CYP4F8: variants seen among roughly 807,000 people sequenced by gnomAD.
The protein encoded by CYP4F8 is cytochrome P450 family 4 subfamily F member 8.
A neutral mutation model predicts 55.0 loss-of-function variants in CYP4F8; 56 were observed. The observed-to-expected ratio is 1.02, with a 90% CI of 0.82 to 1.27. The LOEUF is 1.27. Ranked by LOEUF, CYP4F8 falls within the 50% of genes most tolerant of loss-of-function variation. The pLI is 0.00. For synonymous variants in CYP4F8, 288 were observed against 267.3 expected, an observed-to-expected ratio of 1.08 and a Z score of -0.76; for missense variants, 680 against 682.4, an observed-to-expected ratio of 1.00 and a Z score of 0.04.
At chr19:15,621,998 G>A (rs954949710) in intron 5 of CYP4F8, 18 of 523,032 alleles carry the variant, frequency 3.4e-5, no homozygotes, top group African/African-American at 3.2e-4. Context: ...GGTACACACA[G>A]CTTAGGAATC....
Position 15,622,219 on chromosome 19 carries a change from G to A in CYP4F8, c.526G>A (p.Ala176Thr), listed in dbSNP as rs1972202730. The change falls in exon 6 of 13, where the codon GCC (alanine) becomes ACC (threonine). Residue 176 changes from alanine to threonine, a missense_variant and splice_region_variant. Ala to Thr is a moderately conservative substitution (Grantham distance 58). Coordinates refer to ENST00000612078, the MANE Select transcript of CYP4F8 (RefSeq NM_007253.4). ...IFSKSANIMHAKWQRLAMEGS... is the reference protein window; with the variant it reads ...IFSKSANIMHTKWQRLAMEGS... ...CAGCCCTGCTCCCTTCTCTGGCCAG[G>A]CCAAGTGGCAACGCCTGGCCATGGA... The A allele has an allele frequency of 6.2e-7, 1 of 1,613,050 alleles. No homozygotes were observed. Among genetic ancestry groups the A allele is most frequent in the African/African-American group, 1.3e-5 (1 of 74,890 alleles).
rs1482386649 is a variant in CYP4F8, at chr19:15,615,711, C to A, written c.95C>A (p.Ala32Asp). The A allele has an allele frequency of 6.2e-7, 1 of 1,613,972 alleles. No individual in the cohort carries two copies. Among genetic ancestry groups the A allele is most frequent in the Non-Finnish European group, 8.5e-7 (1 of 1,179,974 alleles). ...LLVVGASWLL[A>D]RILAWTYAFY... ...GTGGTCGGGGCCTCCTGGCTCCTGGCCCGCATCCTGGCCTGGACCTATGCC... is the reference window on the plus strand; with the variant it reads ...GTGGTCGGGGCCTCCTGGCTCCTGGACCGCATCCTGGCCTGGACCTATGCC... The change falls in exon 2 of 13, where the codon GCC becomes GAC. Residue 32 changes from alanine to aspartate, a missense_variant. By Grantham distance (126) the Ala-to-Asp change is moderately radical. Transcript: ENST00000612078.
In CYP4F8 at chr19:15,629,511, C is replaced by T. The variant is rs913683139; in HGVS notation, c.*153C>T. On this transcript the variant is annotated 3_prime_UTR_variant, in exon 13 of 13. Coordinates refer to ENST00000612078, the MANE Select transcript of CYP4F8 (RefSeq NM_007253.4). ...CTGGAGGACTGCGGGGATCTAGGGCCTGGCTGGGAAGAGGCGGGGAGATGT... is the reference window on the plus strand; with the variant it reads ...CTGGAGGACTGCGGGGATCTAGGGCTTGGCTGGGAAGAGGCGGGGAGATGT... 3 of 1,129,622 alleles carry T rather than the reference C, an allele frequency of 2.7e-6. No individual in the cohort carries two copies. The highest frequency in any genetic ancestry group is 3.3e-5 in the Admixed American group (1 of 30,066). The allele number at this position is 1,129,622 out of a possible 1,614,324, so 70.0% of individuals were successfully genotyped here.
At chr19:15,622,987 T>A in intron 6 of CYP4F8, 118 bp from the exon 7 acceptor site, 1 of 1,233,158 alleles carries the variant, frequency 8.1e-7, no homozygotes, top group African/African-American at 1.5e-5. Flanking sequence ...GAGAGTGAAG[T>A]GCGCTTGCAG....
At chr19:15,622,780 C>T (rs1410926192) in intron 6 of CYP4F8, 2 of 433,946 alleles carry the variant, frequency 4.6e-6, no homozygotes, top group African/African-American at 4.0e-5. Flanking sequence ...GATTGACTGT[C>T]ATGTAGACAC....
intron 2 of CYP4F8, among the ~76,000 whole-genome samples, chr19:15,617,235 C>T (rs1972134251): frequency 6.6e-6 from 1 of 152,184 alleles, no homozygotes; most frequent in South Asian, 2.1e-4. Context: ...TCAAGGTGGG[C>T]TTCTCCATGA....
chr19:15,622,263 T>A lies in CYP4F8; in HGVS notation c.570T>A (p.Asp190Glu), dbSNP rs1972203792. The A allele has an allele frequency of 1.9e-6, 3 of 1,613,732 alleles. No homozygotes were observed. Among genetic ancestry groups the A allele is most frequent in the Non-Finnish European group, 2.5e-6 (3 of 1,179,868 alleles). The change falls in exon 6 of 13, where the codon GAT (aspartate) becomes GAA (glutamate). Residue 190 changes from aspartate to glutamate, a missense_variant. By Grantham distance (45) the Asp-to-Glu change is conservative. Transcript: ENST00000612078. ...CCATGGAGGGCAGCACCTGTCTGGA[T>A]GTGTTTGAGCACATCAGCCTTATGA... is the stretch of plus-strand genomic sequence containing the variant. ...RLAMEGSTCL[D>E]VFEHISLMTL...
intron 6 of CYP4F8, chr19:15,622,851 G>A (rs2144606883): frequency 1.9e-6 from 1 of 539,814 alleles, no homozygotes; most frequent in South Asian, 2.2e-5. Flanking sequence ...GGGCAGATTT[G>A]GGAGAAACTG....
intron 9 of CYP4F8, among the ~76,000 whole-genome samples, chr19:15,626,919 C>T (rs1972270224): frequency 6.6e-6 from 1 of 152,150 alleles, no homozygotes; most frequent in African/African-American, 2.4e-5. Flanking sequence ...TCTGTTCCCA[C>T]ATTTCCAGTG....
intron 2 of CYP4F8, among the ~76,000 whole-genome samples, chr19:15,617,530 CT>C (rs886945680): frequency 8.6e-5 from 13 of 151,330 alleles, no homozygotes; most frequent in African/African-American, 2.7e-4. Context: ...ATCTATCTAT[CT>C]ATCAGTCCGT....
intron 7 of CYP4F8, 81 bp downstream of exon 7, chr19:15,623,456 C>G: frequency 6.4e-7 from 1 of 1,573,702 alleles, no homozygotes; most frequent in Non-Finnish European, 8.6e-7. Flanking sequence ...GGACTTGATA[C>G]AGAGGGCACT....
intron 12 of CYP4F8, 53 bp downstream of exon 12, chr19:15,628,896 C>T (rs1266708085): frequency 6.6e-7 from 1 of 1,516,672 alleles, no homozygotes; most frequent in East Asian, 2.3e-5. Context: ...GCACAGATGG[C>T]TGCCTTGTCA....
Position 15,628,850 on chromosome 19 carries a change from C to T in CYP4F8, c.1397+7C>T. 1 of 1,585,870 alleles carries T rather than the reference C, an allele frequency of 6.3e-7. No individual in the cohort carries two copies. Among genetic ancestry groups the T allele is most frequent in the Non-Finnish European group, 8.6e-7 (1 of 1,167,836 alleles). The stretch of plus-strand genomic sequence containing the variant: ...CTTTCTCGGCGGGGCCCAGGTGAGG[C>T]CAGGGGGTGTCTGAGGTGGGCATGG... On this transcript the variant is annotated splice_region_variant and intron_variant, in intron 12 of 12. Transcript: ENST00000612078.
intron 2 of CYP4F8, among the ~76,000 whole-genome samples, chr19:15,617,177 TC>T (rs1026809184): frequency 1.3e-5 from 2 of 152,148 alleles, no homozygotes; most frequent in Non-Finnish European, 2.9e-5. Context: ...CACGTGACTT[TC>T]CGTGGGCTGG....
intron 3 of CYP4F8, 120 bp downstream of exon 3, chr19:15,618,264 T>C (rs1228823789): frequency 2.8e-6 from 4 of 1,451,908 alleles, no homozygotes; most frequent in Non-Finnish European, 3.8e-6. Context: ...TGCTTCTCTC[T>C]CAGCCACCTT....
chr19:15,615,931 A>ACTCACTCATTCCTCTGATCC, intron 2 of CYP4F8, 117 bp downstream of exon 2: 1 of 1,111,234 alleles, frequency 9.0e-7, no homozygotes, highest in Non-Finnish European at 1.2e-6. Context: ...TCCTCTGATC[A>ACTCACTCATTCCTCTGATCC]CTCACTCATT....
chr19:15,626,630 T>TATCTATC (rs1555738321), intron 9 of CYP4F8, among the ~76,000 whole-genome samples: 2 of 109,032 alleles, frequency 1.8e-5, no homozygotes, highest in African/African-American at 3.3e-5. Context: ...TCTATCTATC[T>TATCTATC]ATCTATCTAT....
At chr19:15,619,049 AC>A (rs1972159632) in intron 3 of CYP4F8, 2 of 176,956 alleles carry the variant, frequency 1.1e-5, no homozygotes, top group East Asian at 1.5e-4. Flanking sequence ...TAGAAACTCA[AC>A]CCCACGCAGT....
At chr19:15,616,218 A>C (rs1972119069) in intron 2 of CYP4F8, among the ~76,000 whole-genome samples, 2 of 136,686 alleles carry the variant, frequency 1.5e-5, no homozygotes, top group Admixed American at 7.4e-5. Context: ...CTCCTCACTC[A>C]CTCATTCCTC....
Sources: gnomAD v4.1 joint callset for allele counts (sites outside exome capture counted in the v4.1 genomes callset) on GRCh38, gnomAD v4.1.1 for gene constraint, MANE v1.5 for transcripts, NCBI Gene and HGNC (gene_info 2026-07-23, HGNC 2026-07-21) for gene names.